The following PCDHGA2 variants were observed in gnomAD, a reference collection of about 807,000 sequenced individuals.
PCDHGA2 encodes protocadherin gamma subfamily A, 2.
In PCDHGA2, 40 loss-of-function variants were observed where a neutral mutation model predicts 59.2. The ratio of observed to expected loss-of-function variants is 0.68; its 90% CI spans 0.52 to 0.88. The LOEUF is 0.88. Among genes scored for constraint, PCDHGA2 ranks in the 40% least tolerant of loss-of-function variants. The probability of loss-of-function intolerance (pLI) is 0.00; values close to 1 mark genes in which losing one functional copy is unlikely to be tolerated. For synonymous variants in PCDHGA2, 560 were observed against 526.0 expected (o/e 1.06, Z -0.89); for missense variants, 1,226 against 1,204.0 (o/e 1.02, Z -0.27).
At position 141,486,121 on chromosome 5, in the gene PCDHGA2, T is replaced by C. The variant is rs371827617; in HGVS notation, c.2425-8686T>C. 5.6e-6 allele frequency: 9 copies of C among 1,614,086 alleles called. No individual in the cohort carries two copies. The highest frequency in any genetic ancestry group is 2.2e-5 in the South Asian group (2 of 91,082). ...TAGACTTTGAGAGTGAGAATTACTATGAATTTGATGTGCGGGCTCGCGATG... is the reference window on the plus strand; with the variant it reads ...TAGACTTTGAGAGTGAGAATTACTACGAATTTGATGTGCGGGCTCGCGATG... On this transcript the variant is annotated intron_variant, in intron 1 of 3. Coordinates refer to ENST00000394576, the MANE Select transcript of PCDHGA2 (RefSeq NM_018915.4). This position sits in a 1 kb window ranked among gnomAD's most constrained non-coding sequence, Gnocchi z 5.0.
chr5:141,421,505 G>A (rs745883683), intron 1 of PCDHGA2: 3 of 1,614,058 alleles, frequency 1.9e-6, no homozygotes, highest in South Asian at 1.1e-5. Context: ...AGGATAGACC[G>A]GGAGGAGCTC....
At chr5:141,470,649 C>T (rs1486535307) in intron 1 of PCDHGA2, among the ~76,000 whole-genome samples, 1 of 152,160 alleles carries the variant, frequency 6.6e-6, no homozygotes, top group African/African-American at 2.4e-5. Flanking sequence ...TTGAAGGCCC[C>T]TACCCTTTGG....
At chr5:141,360,150 A>T in intron 1 of PCDHGA2, 1 of 1,602,638 alleles carries the variant, frequency 6.2e-7, no homozygotes, top group Admixed American at 1.7e-5. Flanking sequence ...AAGCGAGCTC[A>T]GGGAGGTGCG....
chr5:141,367,651 T>C (rs1205375044), intron 1 of PCDHGA2: 1 of 152,174 alleles, frequency 6.6e-6, no homozygotes, highest in Non-Finnish European at 1.5e-5. Context: ...TTAAGCCATG[T>C]AGTTATTGGA....
intron 1 of PCDHGA2, chr5:141,414,096 A>G (rs2095708665): frequency 1.9e-6 from 3 of 1,595,210 alleles, no homozygotes; most frequent in Middle Eastern, 3.3e-4. Context: ...AAATAAAAAT[A>G]TCAGAAAATC....
chr5:141,485,245 G>C lies in PCDHGA2; in HGVS notation c.2425-9562G>C. 1 of 1,614,188 alleles carries C rather than the reference G, an allele frequency of 6.2e-7. No individual in the cohort carries two copies. Among genetic ancestry groups the C allele is most frequent in the Non-Finnish European group, 8.5e-7 (1 of 1,180,008 alleles). On this transcript the variant is annotated intron_variant, in intron 1 of 3. Coordinates refer to ENST00000394576, the MANE Select transcript of PCDHGA2 (RefSeq NM_018915.4). This position sits in a 1 kb window ranked among gnomAD's most constrained non-coding sequence, Gnocchi z 5.7. The stretch of plus-strand genomic sequence containing the variant: ...CCCTTTTGTTCCTCTTTTACCACCT[G>C]GGTTACGTTTGTGGGCAGATCCGCT...
chr5:141,345,655 C>T (rs575946421), intron 1 of PCDHGA2: 2 of 1,614,246 alleles, frequency 1.2e-6, no homozygotes, highest in African/African-American at 1.3e-5. Flanking sequence ...GGGAACCCTC[C>T]ACTCAGCAGC....
chr5:141,372,826 C>T lies in PCDHGA2; in HGVS notation c.2424+31431C>T, dbSNP rs376912168. 327 of 1,554,742 alleles carry T rather than the reference C, an allele frequency of 2.1e-4. 8 individuals are homozygous for T. The South Asian group carries it at 3.7e-3, about 18-fold the overall frequency. ...TTGCAAAAGGTGAGTTTCTTCAAAC[C>T]TTTCCTTCCATAAATATAATTGGGT... is the stretch of plus-strand genomic sequence containing the variant. On this transcript the variant is annotated intron_variant, in intron 1 of 3. Coordinates refer to ENST00000394576, the MANE Select transcript of PCDHGA2 (RefSeq NM_018915.4).
chr5:141,483,946 T>C (rs374723616), intron 1 of PCDHGA2, among the ~76,000 whole-genome samples: 127 of 148,696 alleles, frequency 8.5e-4, no homozygotes, highest in Non-Finnish European at 1.5e-3. Flanking sequence ...ACGGTGTGAA[T>C]TGTGTTGTGT....
intron 1 of PCDHGA2, among the ~76,000 whole-genome samples, chr5:141,494,338 ACAG>A (rs2099753688): frequency 6.6e-6 from 1 of 152,224 alleles, no homozygotes; most frequent in African/African-American, 2.4e-5. Flanking sequence ...GTTACCAAGA[ACAG>A]CAGCCATCTT....
intron 1 of PCDHGA2, chr5:141,475,814 TC>T: frequency 3.0e-6 from 1 of 338,520 alleles, no homozygotes; most frequent in Non-Finnish European, 5.4e-6. Flanking sequence ...AAAGTGAAGT[TC>T]CTGGCGCTAG....
chr5:141,377,182 A>G (rs958059395), intron 1 of PCDHGA2: 9 of 152,144 alleles, frequency 5.9e-5, no homozygotes, highest in Non-Finnish European at 8.8e-5. Flanking sequence ...TTCTTGGCAA[A>G]CTATTTGTGT....
chr5:141,362,635 C>T (rs1762607896), intron 1 of PCDHGA2: 2 of 1,483,024 alleles, frequency 1.3e-6, no homozygotes, highest in Non-Finnish European at 1.8e-6. Context: ...CTGCGTATTT[C>T]TTTGTCTGTG....
intron 1 of PCDHGA2, chr5:141,364,442 G>C (rs755897877): frequency 2.5e-6 from 4 of 1,613,950 alleles, no homozygotes; most frequent in Non-Finnish European, 1.7e-6. Context: ...GATGCCGGAG[G>C]AGCTGGACAA....
intron 1 of PCDHGA2, chr5:141,414,815 G>T (rs1437985019): frequency 2.2e-5 from 35 of 1,614,236 alleles, no homozygotes; most frequent in Non-Finnish European, 2.9e-5. Flanking sequence ...CCTCCACTCA[G>T]CAGCAACGTG....
chr5:141,393,049 C>T (rs2092663894), intron 1 of PCDHGA2: 4 of 1,613,486 alleles, frequency 2.5e-6, no homozygotes, highest in South Asian at 1.1e-5. Context: ...GCTCTGAACC[C>T]GCGCAGCGGC....
chr5:141,485,895 C>G lies in PCDHGA2; in HGVS notation c.2425-8912C>G, dbSNP rs1243568042. On this transcript the variant is annotated intron_variant, in intron 1 of 3. Coordinates refer to ENST00000394576, the MANE Select transcript of PCDHGA2 (RefSeq NM_018915.4). This position sits in a 1 kb window ranked among gnomAD's most constrained non-coding sequence, Gnocchi z 5.7. Reference sequence around the variant, plus strand: ...CTGGACGTAAACGACAACGCCCCAGCCTTCCAGCAATCCAGCTACAGGATT... The same window carrying G: ...CTGGACGTAAACGACAACGCCCCAGGCTTCCAGCAATCCAGCTACAGGATT... 3 of 1,614,136 alleles carry G rather than the reference C, an allele frequency of 1.9e-6. No individual in the cohort carries two copies. The highest frequency in any genetic ancestry group is 2.5e-6 in the Non-Finnish European group (3 of 1,180,036).
At position 141,476,015 on chromosome 5, in the gene PCDHGA2, C is replaced by A; in HGVS notation, c.2425-18792C>A. The A allele has an allele frequency of 7.4e-7, 1 of 1,344,728 alleles. No individual in the cohort carries two copies. The highest frequency in any genetic ancestry group is 1.0e-6 in the Non-Finnish European group (1 of 992,700). The allele number at this position is 1,344,728 out of a possible 1,614,324, so 83.3% of individuals were successfully genotyped here. A position where few individuals can be genotyped will look rare whatever the true frequency, so the allele number is the denominator to read the frequency against. ...ATCAACGGCATCCAGAAAGCCATGT[C>A]GGACTCGGCGCCCAGCGCCCAAGCG... On this transcript the variant is annotated intron_variant, in intron 1 of 3. Coordinates refer to ENST00000394576, the MANE Select transcript of PCDHGA2 (RefSeq NM_018915.4). This position sits in a 1 kb window ranked among gnomAD's most constrained non-coding sequence, Gnocchi z 7.6.
rs548823035 is a variant in PCDHGA2 at position 141,499,447 on chromosome 5, C to T, written c.2483+4582C>T. ...AGAAAAAAAATTAAAAGGAAAACCA[C>T]CCATCATTTTACAATCTAGGGAGAA... On this transcript the variant is annotated intron_variant, in intron 2 of 3. Transcript: ENST00000394576. Among the ~76,000 whole-genome samples the T allele has an allele frequency of 3.8e-4, 58 of 152,250 alleles. 1 individual carries two copies. In the East Asian group the frequency reaches 9.1e-3, roughly 24 times the overall value.
Sources: gnomAD v4.1 joint callset for allele counts (sites outside exome capture counted in the v4.1 genomes callset) on GRCh38, gnomAD v4.1.1 for gene constraint, Gnocchi (gnomAD v3.1) non-coding constraint, MANE v1.5 for transcripts, NCBI Gene and HGNC (gene_info 2026-07-23, HGNC 2026-07-21) for gene names.